Variants in ALDH3B1 observed in about 807,000 individuals in gnomAD.
ALDH3B1 encodes the protein aldehyde dehydrogenase family 3 member B1.
ALDH3B1 carries 37 observed loss-of-function variants against 46.2 expected under a neutral mutation model. The observed-to-expected ratio is 0.80, with a 90% CI of 0.62 to 1.05. The LOEUF is 1.05. ALDH3B1 is among the 50% of genes least tolerant of loss of function. The pLI, the probability that ALDH3B1 is intolerant of heterozygous loss-of-function variation, is 0.00. For synonymous variants in ALDH3B1, 283 were observed against 281.0 expected, an observed-to-expected ratio of 1.01 and a Z score of -0.07; for missense variants, 603 against 665.5, an observed-to-expected ratio of 0.91 and a Z score of 1.03.
Position 68,022,948 on chromosome 11 carries a change from G to A in ALDH3B1, c.1116+187G>A, listed in dbSNP as rs193044556. 2.9e-3 allele frequency among the ~76,000 whole-genome samples: 436 copies of A among 152,286 alleles called. 1 individual carries two copies. In the Middle Eastern group the frequency reaches 0.041, roughly 14 times the overall value. On this transcript the variant is annotated intron_variant, in intron 8 of 9. Coordinates refer to ENST00000342456, the MANE Select transcript of ALDH3B1 (RefSeq NM_000694.4). ...CACCCCAACCCTGTCCCCAGTCTGG[G>A]CCCCACTCTCCTAGGCCTTCAGTGG... is the stretch of plus-strand genomic sequence containing the variant.
At chr11:68,018,703 C>G in intron 3 of ALDH3B1, 66 bp downstream of exon 3, 1 of 1,549,126 alleles carries the variant, frequency 6.5e-7, no homozygotes, top group South Asian at 1.2e-5. Context: ...GGTGGCCCCT[C>G]TGGGTGGGAG....
At chr11:68,016,974 A>G (rs1590774186) in intron 2 of ALDH3B1, 1 of 151,874 alleles carries the variant, frequency 6.6e-6, no homozygotes, top group South Asian at 2.1e-4. Context: ...GGACCTGGTC[A>G]CCCCCCTGTC....
rs761437482 is a variant in ALDH3B1 at position 68,027,904 on chromosome 11, A to G, written c.1372A>G (p.Met458Val). 3.2e-6 allele frequency: 5 copies of G among 1,559,776 alleles called. No individual in the cohort carries two copies. In the South Asian group the frequency reaches 3.5e-5, roughly 11 times the overall value. ...PRRLRMLLVA[M>V]EAQGCSCTLL ...CCGCCTGAGGATGCTGCTGGTGGCC[A>G]TGGAGGCCCAAGGCTGCAGCTGCAC... is the stretch of plus-strand genomic sequence containing the variant. Residue 458 changes from methionine (M) to valine (V), a missense_variant, in exon 10 of 10, where the codon ATG becomes GTG. Met to Val is a conservative substitution (Grantham distance 21). Coordinates refer to ENST00000342456, the MANE Select transcript of ALDH3B1 (RefSeq NM_000694.4).
At chr11:68,009,988 T>C (rs1330990014), upstream of ALDH3B1, among the ~76,000 whole-genome samples, 5 of 152,134 alleles carry the variant, frequency 3.3e-5, no homozygotes, top group Non-Finnish European at 7.4e-5. Flanking sequence ...ACAATAATAG[T>C]TCCCCACCCC....
intron 4 of ALDH3B1, 119 bp downstream of exon 4, chr11:68,019,012 C>T: frequency 1.4e-6 from 2 of 1,468,394 alleles, no homozygotes; most frequent in Non-Finnish European, 1.8e-6. Flanking sequence ...CTGTCTGGTC[C>T]ACCGTCCCCG....
At chr11:68,027,727 T>C (rs1590785083) in intron 9 of ALDH3B1, 22 bp from the exon 10 acceptor site, 4 of 1,551,740 alleles carry the variant, frequency 2.6e-6, no homozygotes, top group Non-Finnish European at 3.5e-6. Flanking sequence ...CCTGACCACC[T>C]GTGTTCTGTG....
At chr11:68,018,325 T>TC in intron 2 of ALDH3B1, 1 of 580,410 alleles carries the variant, frequency 1.7e-6, no homozygotes, top group Non-Finnish European at 3.1e-6. Context: ...CCCTGCAAGG[T>TC]CGGCCTCAGG....
At chr11:68,018,454 G>T in intron 2 of ALDH3B1, 73 bp from the exon 3 acceptor site, 1 of 1,159,086 alleles carries the variant, frequency 8.6e-7, no homozygotes, top group Admixed American at 2.2e-5. Context: ...AGCAGGCCCT[G>T]CCTGGAGGAG....
rs557503076 is a variant in ALDH3B1 at position 68,010,859 on chromosome 11, C to G, written c.-2+467C>G. On this transcript the variant is annotated intron_variant, in intron 1 of 9. Transcript: ENST00000342456. ...GCCATGAATGACTCTGGGAAAGAAT[C>G]ATTCTTAGCAATGGACTTTGTCAGG... Among the ~76,000 whole-genome samples, 15 of 152,330 alleles carry G rather than the reference C, an allele frequency of 9.8e-5. No individual in the cohort carries two copies. The South Asian group carries it at 3.1e-3, about 32-fold the overall frequency.
At chr11:68,015,696 T>C (rs776609192) in intron 2 of ALDH3B1, 2 of 692,798 alleles carry the variant, frequency 2.9e-6, no homozygotes, top group Non-Finnish European at 2.6e-6. Flanking sequence ...TCTGGGGATA[T>C]AGCAGAGAAT....
intron 6 of ALDH3B1, 83 bp from the exon 7 acceptor site, chr11:68,021,402 C>T: frequency 2.6e-6 from 4 of 1,540,322 alleles, no homozygotes; most frequent in East Asian, 2.3e-5. Context: ...ACCACCTCTC[C>T]AGGGAGGAGC....
rs565564917 is a variant in ALDH3B1 at position 68,020,954 on chromosome 11, G to C, written c.563-531G>C. On this transcript the variant is annotated intron_variant, in intron 6 of 9. Transcript: ENST00000342456. Reference sequence around the variant, plus strand: ...ACAGAGGAGAGGTGAGGCCAAGCCAGGCAGGACATGGGGACGCCTGCATCA... The same window carrying C: ...ACAGAGGAGAGGTGAGGCCAAGCCACGCAGGACATGGGGACGCCTGCATCA... 4.6e-5 allele frequency among the ~76,000 whole-genome samples: 7 copies of C among 152,326 alleles called. No individual in the cohort carries two copies. In the South Asian group the frequency reaches 1.2e-3, roughly 27 times the overall value.
At chr11:68,019,995 C>G (rs554078182) in intron 6 of ALDH3B1, among the ~76,000 whole-genome samples, 199 bp downstream of exon 6, 5 of 152,264 alleles carry the variant, frequency 3.3e-5, no homozygotes, top group African/African-American at 1.2e-4. Flanking sequence ...GCCCACTGTG[C>G]CAACCACAGC....
rs375874895 is a variant in ALDH3B1, at chr11:68,027,806, A to G, written c.1274A>G (p.His425Arg). The G allele has an allele frequency of 1.3e-4, 208 of 1,559,094 alleles. No homozygotes were observed. Among genetic ancestry groups the G allele is most frequent in the Non-Finnish European group, 1.7e-4 (192 of 1,150,616 alleles). Reference sequence around the variant, plus strand: ...TTCTCCTTCGACACCTTCTCCCACCATCGCGCCTGCCTCCTGCGCAGCCCG... The same window carrying G: ...TTCTCCTTCGACACCTTCTCCCACCGTCGCGCCTGCCTCCTGCGCAGCCCG... ...GKFSFDTFSH[H>R]RACLLRSPGM... The change falls in exon 10 of 10, where the codon CAT becomes CGT. Residue 425 changes from histidine (H) to arginine (R), a missense_variant. His to Arg is a conservative substitution (Grantham distance 29, BLOSUM62 0). Coordinates refer to ENST00000342456, the MANE Select transcript of ALDH3B1 (RefSeq NM_000694.4).
intron 1 of ALDH3B1, among the ~76,000 whole-genome samples, chr11:68,012,967 G>A (rs979871769): frequency 2.6e-5 from 4 of 152,122 alleles, no homozygotes; most frequent in Admixed American, 1.3e-4. Context: ...TGAAATGAGC[G>A]AGGGCAGGCA....
chr11:68,018,259 A>G (rs905751788), intron 2 of ALDH3B1: 1 of 493,076 alleles, frequency 2.0e-6, no homozygotes, highest in East Asian at 3.7e-5. Flanking sequence ...TTTCCCTAGC[A>G]CAGCCACGTC....
intron 7 of ALDH3B1, 108 bp downstream of exon 7, chr11:68,021,979 C>T: frequency 6.7e-7 from 1 of 1,496,372 alleles, no homozygotes; most frequent in Non-Finnish European, 8.9e-7. Flanking sequence ...CCTGGCCCCA[C>T]TGCCAGAGCC....
At chr11:68,023,510 G>C (rs1188586383) in intron 8 of ALDH3B1, among the ~76,000 whole-genome samples, 1 of 151,720 alleles carries the variant, frequency 6.6e-6, no homozygotes. Flanking sequence ...TTGCCACATT[G>C]GTCAGGCTAG....
chr11:68,026,038 C>T lies in ALDH3B1; in HGVS notation c.1146C>T (p.Ser382=), dbSNP rs1857614137. 1 of 1,608,726 alleles carries T rather than the reference C, an allele frequency of 6.2e-7. No individual in the cohort carries two copies. ...QVVKRVLTQT[S]SGGFCGNDGF... ...TCAAGCGGGTGCTGACCCAGACCAG[C>T]AGCGGGGGCTTCTGTGGGAACGACG... The change falls in exon 9 of 10, where the codon AGC becomes AGT. Residue 382 remains serine (S), a synonymous_variant. Transcript: ENST00000342456.
Sources: gnomAD v4.1 joint callset for allele counts (sites outside exome capture counted in the v4.1 genomes callset) on GRCh38, gnomAD v4.1.1 for gene constraint, MANE v1.5 for transcripts, NCBI Gene and HGNC (gene_info 2026-07-23, HGNC 2026-07-21) for gene names.